ANKS6: variants seen among roughly 807,000 people sequenced by gnomAD.
ANKS6 encodes the protein ankyrin repeat and sterile alpha motif domain containing 6, also known as ankyrin repeat and SAM domain-containing protein 6.
A neutral mutation model predicts 77.9 loss-of-function variants in ANKS6; 47 were observed. That is an observed-to-expected ratio of 0.60 (90% CI 0.48 to 0.77). The LOEUF is 0.77. Among genes scored for constraint, ANKS6 ranks in the 30% least tolerant of loss-of-function variants. The pLI is 0.00. For synonymous variants in ANKS6, 488 were observed against 501.7 expected (o/e 0.97, Z 0.37); for missense variants, 1,150 against 1,159.1 (o/e 0.99, Z 0.11).
rs767972038 is a variant in ANKS6 at position 98,777,270 on chromosome 9, C to T, written c.1617+135G>A. On this transcript the variant is annotated intron_variant, in intron 8 of 14. Coordinates refer to ENST00000353234, the MANE Select transcript of ANKS6 (RefSeq NM_173551.5). Reference sequence around the variant, plus strand: ...CTCCTCAGTGCCAGAGCTAAGCCCACTGTTACACATTCTCATCACCAACCC... The same window carrying T: ...CTCCTCAGTGCCAGAGCTAAGCCCATTGTTACACATTCTCATCACCAACCC... 13 of 937,516 alleles carry T rather than the reference C, an allele frequency of 1.4e-5. No individual in the cohort carries two copies. The Admixed American group carries it at 1.8e-4, about 13-fold the overall frequency. 58.1% of individuals were successfully genotyped at this position (937,516 alleles called of 1,614,324 possible). A position where few individuals can be genotyped will look rare whatever the true frequency, so the allele number is the denominator to read the frequency against.
chr9:98,739,794 G>A (rs1321450079), intron 14 of ANKS6, among the ~76,000 whole-genome samples: 2 of 111,436 alleles, frequency 1.8e-5, no homozygotes, highest in African/African-American at 8.3e-5. Context: ...TCTTGCTGTC[G>A]CCCAGGCTGG....
chr9:98,734,456 C>T lies in ANKS6; in HGVS notation c.*2063G>A. 1 of 985,456 alleles carries T rather than the reference C, an allele frequency of 1.0e-6. No individual in the cohort carries two copies. Among genetic ancestry groups the T allele is most frequent in the Non-Finnish European group, 1.2e-6 (1 of 829,964 alleles). The allele number at this position is 985,456 out of a possible 1,614,324, so 61.0% of individuals were successfully genotyped here. On this transcript the variant is annotated 3_prime_UTR_variant, in exon 15 of 15. Coordinates refer to ENST00000353234, the MANE Select transcript of ANKS6 (RefSeq NM_173551.5). ...AAAGCAGGCACAAAACCTCAAAGCA[C>T]ATAACGTCAGGGGCCATGAATTTCA...
chr9:98,751,149 T>G, intron 12 of ANKS6, 53 bp from the exon 13 acceptor site: 1 of 1,427,178 alleles, frequency 7.0e-7, no homozygotes, highest in African/African-American at 1.4e-5. Context: ...TTTGGTAAAG[T>G]GGTCTTCAAA....
chr9:98,783,334 G>A (rs1410744399), intron 4 of ANKS6, among the ~76,000 whole-genome samples: 1 of 152,154 alleles, frequency 6.6e-6, no homozygotes, highest in Non-Finnish European at 1.5e-5. Context: ...GATGACACAG[G>A]AAAGTGATCT....
At chr9:98,784,256 G>A (rs921800172) in intron 3 of ANKS6, 99 bp from the exon 4 acceptor site, 10 of 1,160,716 alleles carry the variant, frequency 8.6e-6, no homozygotes, top group African/African-American at 7.9e-5. Context: ...GCCCTGCTCT[G>A]CCTCTGCAGT....
At chr9:98,789,542 C>T (rs946442801) in intron 2 of ANKS6, among the ~76,000 whole-genome samples, 2 of 151,766 alleles carry the variant, frequency 1.3e-5, no homozygotes, top group Non-Finnish European at 2.9e-5. Context: ...AGGTCAGGCA[C>T]ACTATTGTAG....
At position 98,733,347 on chromosome 9, in the gene ANKS6, C is replaced by T. The variant is rs890868658; in HGVS notation, c.*3172G>A. The T allele has an allele frequency of 5.1e-6, 5 of 985,402 alleles. No individual in the cohort carries two copies. In the African/African-American group the frequency reaches 8.7e-5, roughly 17 times the overall value. 61.0% of individuals were successfully genotyped at this position (985,402 alleles called of 1,614,324 possible). On this transcript the variant is annotated 3_prime_UTR_variant, in exon 15 of 15. Coordinates refer to ENST00000353234, the MANE Select transcript of ANKS6 (RefSeq NM_173551.5). Reference sequence around the variant, plus strand: ...TCACGACACACCAGCAAGACACTGCCTGGGTGCTGGGAAACAATGCCCTCC... The same window carrying T: ...TCACGACACACCAGCAAGACACTGCTTGGGTGCTGGGAAACAATGCCCTCC...
At chr9:98,760,537 A>C (rs1289397691) in intron 11 of ANKS6, among the ~76,000 whole-genome samples, 2 of 152,246 alleles carry the variant, frequency 1.3e-5, no homozygotes, top group South Asian at 4.1e-4. Flanking sequence ...CTAAGGATTT[A>C]GGAATTGTAT....
At chr9:98,779,689 A>G (rs935329322) in intron 6 of ANKS6, among the ~76,000 whole-genome samples, 2 of 150,666 alleles carry the variant, frequency 1.3e-5, no homozygotes, top group Non-Finnish European at 3.0e-5. Flanking sequence ...TTTGAGACGG[A>G]GTTTCGCTCT....
At position 98,768,241 on chromosome 9, in the gene ANKS6, AT is replaced by A. The variant is rs753156433; in HGVS notation, c.1981del (p.Ile661Ter). The A allele has an allele frequency of 1.7e-5, 27 of 1,613,948 alleles. No individual in the cohort carries two copies. The highest frequency in any genetic ancestry group is 1.9e-5 in the Non-Finnish European group (22 of 1,180,036). On this transcript the variant is annotated frameshift_variant, in exon 11 of 15. Coordinates refer to ENST00000353234, the MANE Select transcript of ANKS6 (RefSeq NM_173551.5). LOFTEE classifies it high-confidence loss of function. ...GELLNRSGGS[I>X]DNVLSQIAAQ... ...AGCGATTTGGGACAAGACATTGTCT[AT>A]GCTGCCACCTGAGGAAACACAAAAT...
chr9:98,787,633 C>T (rs542510871), intron 2 of ANKS6, among the ~76,000 whole-genome samples: 32 of 152,246 alleles, frequency 2.1e-4, no homozygotes, highest in African/African-American at 7.0e-4. Flanking sequence ...TATTGGATGT[C>T]GTCTATGTGC....
chr9:98,755,759 C>T (rs965632153), intron 12 of ANKS6, among the ~76,000 whole-genome samples: 1 of 152,226 alleles, frequency 6.6e-6, no homozygotes, highest in African/African-American at 2.4e-5. Flanking sequence ...CACCACATTC[C>T]ACCCCTGTGG....
In ANKS6 at chr9:98,771,044, T is replaced by C. The variant is rs1427053211; in HGVS notation, c.1824A>G (p.Thr608=). The change falls in exon 10 of 15, where the codon ACA becomes ACG. Residue 608 remains threonine (T), a splice_region_variant and synonymous_variant. Transcript: ENST00000353234. ...HPVGGGGTDT[T]PVRPVKFPSL... ...TTGGAAATTTAACAGGCCTGACGGG[T>C]GTCTACAAGAATAAGGCAGGTGCAG... The C allele has an allele frequency of 6.4e-7, 1 of 1,560,002 alleles. No homozygotes were observed. The highest frequency in any genetic ancestry group is 1.2e-5 in the South Asian group (1 of 82,284).
At chr9:98,736,738 T>TCACGCC in intron 14 of ANKS6, 115 bp from the exon 15 acceptor site, 1 of 1,306,964 alleles carries the variant, frequency 7.7e-7, no homozygotes, top group Non-Finnish European at 1.1e-6. Flanking sequence ...CATGGGCGTC[T>TCACGCC]TGGGGAAAAT....
At chr9:98,796,038 C>T (rs1050339049) in intron 1 of ANKS6, 95 bp downstream of exon 1, 1 of 1,200,018 alleles carries the variant, frequency 8.3e-7, no homozygotes, top group Non-Finnish European at 1.1e-6. Flanking sequence ...GTCCTTAACT[C>T]TTCACCTCCC....
intron 11 of ANKS6, among the ~76,000 whole-genome samples, chr9:98,757,478 G>A (rs1201928497): frequency 6.6e-6 from 1 of 152,172 alleles, no homozygotes; most frequent in Non-Finnish European, 1.5e-5. Context: ...AATTAGATGT[G>A]CTTGTGAATG....
chr9:98,773,814 G>GA, intron 9 of ANKS6, 63 bp downstream of exon 9: 1 of 1,378,934 alleles, frequency 7.3e-7, no homozygotes, highest in East Asian at 2.7e-5. Context: ...CCGCTGCCTG[G>GA]AACACACCAT....
chr9:98,737,791 A>G (rs940090411), intron 14 of ANKS6, among the ~76,000 whole-genome samples: 1 of 152,250 alleles, frequency 6.6e-6, no homozygotes, highest in Non-Finnish European at 1.5e-5. Flanking sequence ...GAATAAGCAA[A>G]AAGAACAAAT....
chr9:98,770,657 GA>G (rs575014254), intron 10 of ANKS6, among the ~76,000 whole-genome samples: 114 of 147,194 alleles, frequency 7.7e-4, no homozygotes, highest in African/African-American at 2.3e-3. Flanking sequence ...AATTTTACAA[GA>G]AAAAAAAAAG....
Sources: allele counts gnomAD v4.1 joint callset (sites outside exome capture counted in the v4.1 genomes callset), GRCh38; gene constraint gnomAD v4.1.1; transcripts MANE v1.5; gene names NCBI Gene and HGNC (gene_info 2026-07-23, HGNC 2026-07-21).